CLEC10A: variants seen among roughly 807,000 people sequenced by gnomAD.
CLEC10A encodes the protein C-type lectin domain family 10 member A.
Under a neutral mutation model 42.0 loss-of-function variants are expected in CLEC10A, and 38 were observed. The ratio of observed to expected loss-of-function variants is 0.90; its 90% confidence interval spans 0.70 to 1.18. CLEC10A has a LOEUF of 1.18. CLEC10A is among the 50% of genes most tolerant of loss of function. The pLI is 0.00. For missense variants in CLEC10A, 298 were observed against 345.9 expected, an observed-to-expected ratio of 0.86 and a Z score of 1.10; for synonymous variants, 126 against 139.9, an observed-to-expected ratio of 0.90 and a Z score of 0.70.
At chr17:7,077,357 C>T (rs1180791609) in intron 3 of CLEC10A, among the ~76,000 whole-genome samples, 1,866 of 121,186 alleles carry the variant, frequency 0.015, no homozygotes, top group East Asian at 0.02. Context: ...AGTGCTCCGA[C>T]CACTGTTCTC....
chr17:7,078,139 G>A (rs781403692), intron 2 of CLEC10A, 26 bp from the exon 3 acceptor site: 12 of 1,556,190 alleles, frequency 7.7e-6, no homozygotes, highest in Non-Finnish European at 8.0e-6. Context: ...GTGTCAGGAT[G>A]AGGAGGGTCC....
Position 7,075,860 on chromosome 17 carries a change from A to G in CLEC10A, c.465T>C (p.Pro155=), listed in dbSNP as rs364569. The G allele has an allele frequency of 0.36, 574,358 of 1,613,542 alleles. 107,766 individuals are homozygous for G. Among genetic ancestry groups the G allele is most frequent in the African/African-American group, 0.68 (50,648 of 74,916 alleles). ...NNASTEGTCC[P]VNWVEHQDSC... ...TGTCTTGGTGCTCCACCCAGTTGAC[A>G]GGGCAGCAGGTCCCTTCAGTGGAGG... Residue 155 remains proline (P), a synonymous_variant, in exon 7 of 9, where the codon CCT becomes CCC. Transcript: ENST00000416562.
chr17:7,078,156 C>T (rs775244358), intron 2 of CLEC10A, 43 bp from the exon 3 acceptor site: 116 of 1,457,434 alleles, frequency 8.0e-5, no homozygotes, highest in East Asian at 2.3e-4. Flanking sequence ...GTCCAGACAC[C>T]GGAGACGGGA....
chr17:7,079,765 A>G (rs1912066972), intron 1 of CLEC10A, among the ~76,000 whole-genome samples: 1 of 151,460 alleles, frequency 6.6e-6, no homozygotes, highest in African/African-American at 2.4e-5. Context: ...CTGTTGTGCA[A>G]CGAGGCCGTC....
intron 3 of CLEC10A, among the ~76,000 whole-genome samples, chr17:7,077,490 GA>G (rs558845038): frequency 1.4e-3 from 82 of 58,358 alleles, no homozygotes; most frequent in African/African-American, 3.1e-3. Context: ...CTCCATCAGT[GA>G]CCCCCACCAC....
At chr17:7,076,853 C>A (rs1366183531) in intron 4 of CLEC10A, 39 bp downstream of exon 4, 1 of 1,613,436 alleles carries the variant, frequency 6.2e-7, no homozygotes, top group Admixed American at 1.7e-5. Context: ...TCCTCCCTGG[C>A]CTGGCCCCAG....
Position 7,076,971 on chromosome 17 carries a change from C to T in CLEC10A, c.201G>A (p.Arg67=), listed in dbSNP as rs1409052511. 1 of 1,613,496 alleles carries T rather than the reference C, an allele frequency of 6.2e-7. No individual in the cohort carries two copies. The highest frequency in any genetic ancestry group is 1.1e-5 in the South Asian group (1 of 91,058). Reference sequence around the variant, plus strand: ...AATCTGTTCTCAGGGTCACCAGGTCCCTCTGAAATTTGGAATCTAAACAGG... The same window carrying T: ...AATCTGTTCTCAGGGTCACCAGGTCTCTCTGAAATTTGGAATCTAAACAGG... ...VVGFQNSKFQ[R]DLVTLRTDFS... is the part of the protein sequence containing the mutation. Residue 67 remains arginine (R), a synonymous_variant, in exon 4 of 9, where the codon AGG becomes AGA. Coordinates refer to ENST00000416562, the MANE Select transcript of CLEC10A (RefSeq NM_001330070.2).
At position 7,075,186 on chromosome 17, in the gene CLEC10A, C is replaced by T; in HGVS notation, c.738G>A (p.Gly246=). Reference sequence around the variant, plus strand: ...AGTCCTCGCCTCCACCCAGCCCGTGCCCCTGCCAGTCGTCTGGCTGGCCTG... The same window carrying T: ...AGTCCTCGCCTCCACCCAGCCCGTGTCCCTGCCAGTCGTCTGGCTGGCCTG... ...WKPGQPDDWQ[G]HGLGGGEDCA... is the part of the protein sequence containing the mutation. The change falls in exon 9 of 9, where the codon GGG becomes GGA. Residue 246 remains glycine, a synonymous_variant. Transcript: ENST00000416562. 1.9e-6 allele frequency: 3 copies of T among 1,570,306 alleles called. No individual in the cohort carries two copies. The highest frequency in any genetic ancestry group is 2.6e-6 in the Non-Finnish European group (3 of 1,162,564).
At chr17:7,079,026 G>A (rs747632546) in intron 1 of CLEC10A, 141 bp from the exon 2 acceptor site, 21 of 597,618 alleles carry the variant, frequency 3.5e-5, no homozygotes, top group African/African-American at 1.3e-4. Context: ...AATTGGGGTC[G>A]AGTTGAGTTT....
Position 7,075,427 on chromosome 17 carries a change from T to C in CLEC10A, c.634A>G (p.Met212Val), listed in dbSNP as rs774649349. 6.5e-7 allele frequency: 1 copy of C among 1,527,540 alleles called. No individual in the cohort carries two copies. Among genetic ancestry groups the C allele is most frequent in the Admixed American group, 2.2e-5 (1 of 45,382 alleles). The allele number at this position is 1,527,540 out of a possible 1,614,324, so 94.6% of individuals were successfully genotyped here. ...GCTCCTTCAGGGTCACTGAGGCCCA[T>C]CCAGGTGTATGCGGAGCCTAGATAT... ...QKYLGSAYTW[M>V]GLSDPEGAWK... Residue 212 changes from methionine to valine, a missense_variant, in exon 8 of 9, where the codon ATG (methionine) becomes GTG (valine). Physicochemically the swap from Met to Val is conservative, Grantham distance 21. Transcript: ENST00000416562.
At position 7,075,431 on chromosome 17, in the gene CLEC10A, G is replaced by C; in HGVS notation, c.630C>G (p.Thr210=). ...CTTCAGGGTCACTGAGGCCCATCCAGGTGTATGCGGAGCCTAGATATTTCT... is the reference window on the plus strand; with the variant it reads ...CTTCAGGGTCACTGAGGCCCATCCACGTGTATGCGGAGCCTAGATATTTCT... The part of the protein sequence containing the change: ...FVQKYLGSAY[T]WMGLSDPEGA... The change falls in exon 8 of 9, where the codon ACC becomes ACG. Residue 210 remains threonine, a synonymous_variant. Coordinates refer to ENST00000416562, the MANE Select transcript of CLEC10A (RefSeq NM_001330070.2). 1 of 1,528,794 alleles carries C rather than the reference G, an allele frequency of 6.5e-7. No homozygotes were observed. Among genetic ancestry groups the C allele is most frequent in the East Asian group, 2.3e-5 (1 of 44,280 alleles). The allele number at this position is 1,528,794 out of a possible 1,614,324, so 94.7% of individuals were successfully genotyped here.
At chr17:7,077,777 C>CCTCCTCCATTCCCATCA (rs1475301629) in intron 3 of CLEC10A, among the ~76,000 whole-genome samples, 4 of 45,642 alleles carry the variant, frequency 8.8e-5, no homozygotes, top group Admixed American at 3.8e-4. Context: ...ATCAGTGCCC[C>CCTCCTCCATTCCCATCA]ATCAGTGCTT....
rs148704673 is a variant in CLEC10A, at chr17:7,078,575, T to A, written c.67+171A>T. 3,618 of 658,790 alleles carry A rather than the reference T, an allele frequency of 5.5e-3. 29 individuals are homozygous for A. Among genetic ancestry groups the A allele is most frequent in the Admixed American group, 7.2e-3 (283 of 39,426 alleles). The allele number at this position is 658,790 out of a possible 1,614,324, so 40.8% of individuals were successfully genotyped here. A position where few individuals can be genotyped will look rare whatever the true frequency, so the allele number is the denominator to read the frequency against. On this transcript the variant is annotated intron_variant, in intron 2 of 8. Coordinates refer to ENST00000416562, the MANE Select transcript of CLEC10A (RefSeq NM_001330070.2). ...TCCACTGTGATCCTCCCTGTCCCAG[T>A]CTTTCTAGAGACCTTGCATCCTCTT...
At chr17:7,078,960 T>A (rs1056076600) in intron 1 of CLEC10A, 75 bp from the exon 2 acceptor site, 2 of 734,518 alleles carry the variant, frequency 2.7e-6, no homozygotes, top group African/African-American at 3.5e-5. Context: ...GAGGCTCAGG[T>A]TGAGAATGAG....
At chr17:7,078,335 T>G (rs1911978797) in intron 2 of CLEC10A, 1 of 524,918 alleles carries the variant, frequency 1.9e-6, no homozygotes, top group Admixed American at 3.1e-5. Flanking sequence ...GGGACCCACG[T>G]GATAGCGATA....
In CLEC10A at chr17:7,075,123, G is replaced by A. The variant is rs139844327; in HGVS notation, c.801C>T (p.Asp267=). Residue 267 remains aspartate (D), a synonymous_variant, in exon 9 of 9, where the codon GAC becomes GAT. Coordinates refer to ENST00000416562, the MANE Select transcript of CLEC10A (RefSeq NM_001330070.2). ...HFHPDGRWND[D]VCQRPYHWVC... ...CCCAGTGGTAGGGCCTCTGGCAGAC[G>A]TCGTCATTCCACCTGCCGTCTGGAT... 3.5e-5 allele frequency: 56 copies of A among 1,608,172 alleles called. No homozygotes were observed. The Middle Eastern group carries it at 9.9e-4, about 28-fold the overall frequency.
intron 3 of CLEC10A, 51 bp from the exon 4 acceptor site, chr17:7,077,038 AC>A: frequency 7.6e-7 from 1 of 1,312,732 alleles, no homozygotes; most frequent in Non-Finnish European, 1.1e-6. Context: ...GGTCCTCTGT[AC>A]CAGCACCGAG....
intron 3 of CLEC10A, among the ~76,000 whole-genome samples, chr17:7,077,391 CCA>C (rs1911849666): frequency 2.9e-5 from 4 of 137,562 alleles, no homozygotes; most frequent in South Asian, 2.6e-4. Context: ...TCAGTGCCCC[CCA>C]CTATTCCCAT....
intron 5 of CLEC10A, 125 bp downstream of exon 5, chr17:7,076,608 G>A (rs567478503): frequency 2.5e-5 from 27 of 1,100,094 alleles, no homozygotes; most frequent in Admixed American, 5.1e-5. Context: ...CACTGCGCCC[G>A]GCCTGCATGC....
Sources: gnomAD v4.1 joint callset for allele counts (sites outside exome capture counted in the v4.1 genomes callset) on GRCh38, gnomAD v4.1.1 for gene constraint, MANE v1.5 for transcripts, NCBI Gene and HGNC (gene_info 2026-07-23, HGNC 2026-07-21) for gene names.